Variants in FAR1 observed in about 807,000 individuals in gnomAD.
The protein encoded by FAR1 is fatty acyl-CoA reductase 1.
In FAR1, 22 loss-of-function variants were observed where a neutral mutation model predicts 61.1. That is an observed-to-expected ratio of 0.36 (90% CI 0.26 to 0.51). FAR1 has a LOEUF of 0.51. FAR1 is among the 20% of genes least tolerant of loss of function. The pLI, the probability that FAR1 is intolerant of heterozygous loss-of-function variation, is 0.95. For synonymous variants in FAR1, 206 were observed against 209.7 expected (o/e 0.98, Z 0.15); for missense variants, 359 against 626.9 (o/e 0.57, Z 4.56).
intron 7 of FAR1, among the ~76,000 whole-genome samples, chr11:13,712,291 G>GAAA (rs34685022): frequency 7.6e-6 from 1 of 131,050 alleles, no homozygotes. Flanking sequence ...ACTTAAAAAT[G>GAAA]AAAAAAAAAA....
intron 9 of FAR1, among the ~76,000 whole-genome samples, chr11:13,718,629 T>C (rs1232786086): frequency 1.3e-5 from 2 of 152,216 alleles, no homozygotes; most frequent in African/African-American, 4.8e-5. Flanking sequence ...GAGATCTGTG[T>C]TGAGATTTGT....
chr11:13,713,131 A>T (rs568630318), intron 8 of FAR1, 98 bp downstream of exon 8: 6 of 980,318 alleles, frequency 6.1e-6, no homozygotes, highest in Admixed American at 5.1e-5. Context: ...CATTAAGGCC[A>T]CTGAGTTACC....
intron 1 of FAR1, among the ~76,000 whole-genome samples, chr11:13,671,317 T>C (rs533636191): frequency 3.9e-4 from 60 of 152,312 alleles, no homozygotes; most frequent in Middle Eastern, 3.4e-3. Context: ...GAGTGACAAA[T>C]TAAAAATGGT....
chr11:13,698,378 C>G (rs1444730679), intron 2 of FAR1, among the ~76,000 whole-genome samples: 1 of 152,190 alleles, frequency 6.6e-6, no homozygotes, highest in Non-Finnish European at 1.5e-5. Context: ...GCCAAAATGA[C>G]TACATCCTGA....
At chr11:13,711,640 T>G in intron 5 of FAR1, 124 bp from the exon 6 acceptor site, 1 of 734,586 alleles carries the variant, frequency 1.4e-6, no homozygotes, top group Non-Finnish European at 2.4e-6. Flanking sequence ...CTGAATCTAG[T>G]CTGTTTTTTA....
chr11:13,689,915 G>A (rs538406168), intron 1 of FAR1, among the ~76,000 whole-genome samples: 10 of 140,914 alleles, frequency 7.1e-5, no homozygotes, highest in Admixed American at 1.5e-4. Context: ...TTGCTCTGTC[G>A]GCCAGGCTGG....
intron 1 of FAR1, among the ~76,000 whole-genome samples, chr11:13,673,476 G>T (rs1489618122): frequency 6.6e-6 from 1 of 152,152 alleles, no homozygotes; most frequent in Non-Finnish European, 1.5e-5. Context: ...ACAGAGCTGG[G>T]ATTCAAACCT....
At position 13,732,234 on chromosome 11, in the gene FAR1, A is replaced by G. The variant is rs1190937958; in HGVS notation, c.*3460A>G. 1 of 152,196 alleles carries G rather than the reference A, an allele frequency of 6.6e-6. No individual in the cohort carries two copies. Among genetic ancestry groups the G allele is most frequent in the Non-Finnish European group, 1.5e-5 (1 of 68,020 alleles). 9.4% of individuals were successfully genotyped at this position (152,196 alleles called of 1,614,324 possible). On this transcript the variant is annotated 3_prime_UTR_variant, in exon 12 of 12. Coordinates refer to ENST00000354817, the MANE Select transcript of FAR1 (RefSeq NM_032228.6). ...TTTCCTGGTGGTACCCTCTTAGCAT[A>G]TATCTTTGCTATCCTTAAGATCCTA...
In FAR1 at chr11:13,708,073, C is replaced by A; in HGVS notation, c.539C>A (p.Ser180Tyr). 6.3e-7 allele frequency: 1 copy of A among 1,578,736 alleles called. No homozygotes were observed. The highest frequency in any genetic ancestry group is 8.6e-7 in the Non-Finnish European group (1 of 1,164,280). Reference protein sequence around the residue: ...PPVDPKKLIDSLEWMDDGLVN... With the variant: ...PPVDPKKLIDYLEWMDDGLVN... ...GTGGATCCCAAGAAGCTGATTGATT[C>A]TTTAGAGTATGTTTGTTTGAAATTT... The change falls in exon 4 of 12, where the codon TCT (serine) becomes TAT (tyrosine). Residue 180 changes from serine to tyrosine, a missense_variant. Physicochemically the swap from Ser to Tyr is moderately radical, Grantham distance 144 (BLOSUM62 -2). Coordinates refer to ENST00000354817, the MANE Select transcript of FAR1 (RefSeq NM_032228.6).
At chr11:13,711,735 T>G in intron 5 of FAR1, 29 bp from the exon 6 acceptor site, 1 of 1,522,008 alleles carries the variant, frequency 6.6e-7, no homozygotes, top group Non-Finnish European at 9.0e-7. Context: ...TTTCTAAGCT[T>G]CTCTCCCTTT....
rs79265073 is a variant in FAR1, at chr11:13,721,649, G to A, written c.1128-81G>A. ...TAATACTAATGTCTATATTATAGGGGGAAACTTGCACCCTGGGTGGTGATA... is the reference window on the plus strand; with the variant it reads ...TAATACTAATGTCTATATTATAGGGAGAAACTTGCACCCTGGGTGGTGATA... On this transcript the variant is annotated intron_variant, in intron 9 of 11. Coordinates refer to ENST00000354817, the MANE Select transcript of FAR1 (RefSeq NM_032228.6). The surrounding 1 kb of genome is among the most constrained non-coding windows in gnomAD (Gnocchi z 4.2). 7 of 1,148,140 alleles carry A rather than the reference G, an allele frequency of 6.1e-6. No individual in the cohort carries two copies. In the East Asian group the frequency reaches 1.8e-4, roughly 29 times the overall value. 71.1% of individuals were successfully genotyped at this position (1,148,140 alleles called of 1,614,324 possible).
intron 1 of FAR1, among the ~76,000 whole-genome samples, chr11:13,685,919 C>T (rs763110115): frequency 7.9e-5 from 12 of 152,148 alleles, no homozygotes; most frequent in Non-Finnish European, 1.5e-4. Flanking sequence ...TTCCTCCTGT[C>T]GTGAGTCATA....
At chr11:13,691,387 A>G (rs1848248172) in intron 1 of FAR1, among the ~76,000 whole-genome samples, 3 of 152,226 alleles carry the variant, frequency 2.0e-5, no homozygotes, top group Admixed American at 6.5e-5. Flanking sequence ...GAGGGGACAC[A>G]TTCAAATCAT....
intron 8 of FAR1, 62 bp downstream of exon 8, chr11:13,713,095 G>C: frequency 6.9e-7 from 1 of 1,453,050 alleles, no homozygotes; most frequent in Non-Finnish European, 9.7e-7. Context: ...GTTCCCTGAA[G>C]TTTTAATGTT....
intron 1 of FAR1, among the ~76,000 whole-genome samples, chr11:13,691,568 AT>A (rs1273087800): frequency 1.3e-5 from 2 of 152,214 alleles, no homozygotes; most frequent in African/African-American, 4.8e-5. Flanking sequence ...ACCAGTTTGC[AT>A]TCTGTCTCTG....
At chr11:13,680,786 AT>A (rs1848118828) in intron 1 of FAR1, among the ~76,000 whole-genome samples, 1 of 152,148 alleles carries the variant, frequency 6.6e-6, no homozygotes, top group Non-Finnish European at 1.5e-5. Flanking sequence ...CACCTCCAAC[AT>A]TGGGAATCAG....
chr11:13,671,463 T>C (rs773638055), intron 1 of FAR1, among the ~76,000 whole-genome samples: 2 of 152,094 alleles, frequency 1.3e-5, no homozygotes, highest in Non-Finnish European at 2.9e-5. Flanking sequence ...GGATTGGAGA[T>C]AGGTAGTAAA....
intron 1 of FAR1, among the ~76,000 whole-genome samples, chr11:13,680,564 C>T (rs1390384514): frequency 2.0e-5 from 3 of 152,162 alleles, no homozygotes; most frequent in Non-Finnish European, 1.5e-5. Flanking sequence ...CCTCAGGAGG[C>T]TTCCACTCCT....
intron 3 of FAR1, among the ~76,000 whole-genome samples, chr11:13,707,020 G>A (rs926876876): frequency 5.9e-5 from 9 of 152,104 alleles, no homozygotes; most frequent in Non-Finnish European, 8.8e-5. Flanking sequence ...CAAAAAAATC[G>A]TATGTATTCT....
Sources: gnomAD v4.1 joint callset for allele counts (sites outside exome capture counted in the v4.1 genomes callset) on GRCh38, gnomAD v4.1.1 for gene constraint, Gnocchi (gnomAD v3.1) non-coding constraint, MANE v1.5 for transcripts, NCBI Gene and HGNC (gene_info 2026-07-23, HGNC 2026-07-21) for gene names.